The following C2CD3 variants were observed in gnomAD, a reference collection of about 807,000 sequenced individuals.
C2CD3 encodes the protein C2 domain containing 3 centriole elongation regulator.
In C2CD3, 148 loss-of-function variants were observed where a neutral mutation model predicts 234.0. The ratio of observed to expected loss-of-function variants is 0.63; its 90% CI spans 0.55 to 0.72. The LOEUF (loss-of-function observed/expected upper bound fraction) is 0.72. C2CD3 is among the 30% of genes least tolerant of loss of function. C2CD3 has a pLI of 0.00. For missense variants in C2CD3, 2,577 were observed against 2,811.5 expected, an observed-to-expected ratio of 0.92 and a Z score of 1.89; for synonymous variants, 1,000 against 1,035.4, an observed-to-expected ratio of 0.97 and a Z score of 0.66.
At chr11:74,017,344 C>T (rs921991566) in intron 32 of C2CD3, among the ~76,000 whole-genome samples, 10 of 152,190 alleles carry the variant, frequency 6.6e-5, no homozygotes, top group African/African-American at 2.2e-4. Context: ...GGCTTTCAGG[C>T]TGCCCCATTA....
chr11:74,063,091 A>T (rs1284476668), intron 24 of C2CD3, among the ~76,000 whole-genome samples: 2 of 152,240 alleles, frequency 1.3e-5, no homozygotes, highest in Non-Finnish European at 2.9e-5. Flanking sequence ...AAGAAGTTGA[A>T]TCCTTGAATA....
At chr11:74,108,882 AATAATG>A (rs1435569360) in intron 12 of C2CD3, 146 bp downstream of exon 12, 1 of 347,296 alleles carries the variant, frequency 2.9e-6, no homozygotes, top group Non-Finnish European at 5.2e-6. Context: ...TAGTAATAAT[AATAATG>A]ATAATAATAA....
intron 3 of C2CD3, among the ~76,000 whole-genome samples, chr11:74,154,016 GA>G (rs372731427): frequency 0.017 from 2,525 of 147,642 alleles, 72 homozygotes; most frequent in African/African-American, 0.059. Flanking sequence ...TACAATTATA[GA>G]AAAAAAAAAT....
At chr11:74,115,090 G>T (rs751225517) in intron 9 of C2CD3, among the ~76,000 whole-genome samples, 4 of 150,370 alleles carry the variant, frequency 2.7e-5, no homozygotes, top group Admixed American at 1.3e-4. Context: ...CTCAAAAAAT[G>T]TAAAAAAAAA....
In C2CD3 at chr11:74,057,511, G is replaced by C; in HGVS notation, c.4985C>G (p.Pro1662Arg). The change falls in exon 25 of 33, where the codon CCC becomes CGC. Residue 1662 changes from proline to arginine, a missense_variant. By Grantham distance (103) the Pro-to-Arg change is moderately radical. Coordinates refer to ENST00000334126, the MANE Select transcript of C2CD3 (RefSeq NM_001286577.2). ...SPLTERKVSI[P>R]SCCVSFATAD... The stretch of plus-strand genomic sequence containing the variant: ...TGTTGCAAAGGATACACAACAACTG[G>C]GTATCGATACTTTCCGCTCTGTCAA... 6.2e-7 allele frequency: 1 copy of C among 1,613,928 alleles called. No individual in the cohort carries two copies.
chr11:74,163,864 G>A (rs373494627), intron 2 of C2CD3, among the ~76,000 whole-genome samples: 2 of 152,282 alleles, frequency 1.3e-5, no homozygotes, highest in African/African-American at 4.8e-5. Context: ...TGAAGAATAA[G>A]GGAAATGGAC....
chr11:74,136,937 T>G (rs1034367218), intron 5 of C2CD3, among the ~76,000 whole-genome samples: 1 of 147,500 alleles, frequency 6.8e-6, no homozygotes, highest in African/African-American at 2.5e-5. Flanking sequence ...CCCCAGAACT[T>G]AAAAGTAAAT....
chr11:74,037,286 A>G (rs1164778108), intron 30 of C2CD3, among the ~76,000 whole-genome samples, 192 bp downstream of exon 30: 1 of 151,542 alleles, frequency 6.6e-6, no homozygotes, highest in Non-Finnish European at 1.5e-5. Flanking sequence ...CCATTGCCCC[A>G]TGTTGCTGTG....
At position 74,139,847 on chromosome 11, in the gene C2CD3, A is replaced by G. The variant is rs754552936; in HGVS notation, c.484-19T>C. 2.7e-6 allele frequency: 4 copies of G among 1,480,436 alleles called. No homozygotes were observed. Among genetic ancestry groups the G allele is most frequent in the South Asian group, 1.1e-5 (1 of 88,234 alleles). The allele number at this position is 1,480,436 out of a possible 1,614,324, so 91.7% of individuals were successfully genotyped here. The stretch of plus-strand genomic sequence containing the variant: ...GTGAGACCTAAGAGAGACAGGTAGT[A>G]TATGAGAAATTTTCTTTAGCATTGA... On this transcript the variant is annotated intron_variant, in intron 3 of 32. Coordinates refer to ENST00000334126, the MANE Select transcript of C2CD3 (RefSeq NM_001286577.2).
chr11:74,122,905 T>C (rs939507544), intron 8 of C2CD3, 83 bp downstream of exon 8: 7 of 642,942 alleles, frequency 1.1e-5, no homozygotes, highest in Non-Finnish European at 1.6e-5. Flanking sequence ...TTATGTAAAA[T>C]GCATAGCTGT....
At chr11:74,022,556 G>T (rs996999190) in intron 32 of C2CD3, among the ~76,000 whole-genome samples, 1 of 152,174 alleles carries the variant, frequency 6.6e-6, no homozygotes. Flanking sequence ...TCCCAAGAGT[G>T]AAAATCTACA....
intron 2 of C2CD3, among the ~76,000 whole-genome samples, chr11:74,165,828 A>T (rs1399674043): frequency 6.6e-6 from 1 of 152,008 alleles, no homozygotes; most frequent in Non-Finnish European, 1.5e-5. Context: ...CTAATTAAAA[A>T]AATTTTTTTT....
At chr11:74,078,036 T>A in intron 23 of C2CD3, 79 bp downstream of exon 23, 1 of 1,486,340 alleles carries the variant, frequency 6.7e-7, no homozygotes. Context: ...TAAAGTAATG[T>A]CTGACAGAGT....
chr11:74,057,283 G>T, intron 25 of C2CD3, 123 bp downstream of exon 25: 2 of 914,368 alleles, frequency 2.2e-6, no homozygotes, highest in Non-Finnish European at 3.4e-6. Context: ...ATAATTGCTT[G>T]GATAAGAAAA....
Position 74,037,622 on chromosome 11 carries a change from G to A in C2CD3, c.5737C>T (p.Pro1913Ser), listed in dbSNP as rs143485087. The change falls in exon 30 of 33, where the codon CCT becomes TCT. Residue 1913 changes from proline (P) to serine (S), a missense_variant. Pro to Ser is a moderately conservative substitution (Grantham distance 74). Transcript: ENST00000334126. ...TGTGAGATGGCCGTTTGAGTCTGAG[G>A]GCTGAGGGGTAGGAAAGGCTTGGTG... ...KLTKPFLPLS[P>S]QTQTAISQHQ... is the part of the protein sequence containing the mutation. The A allele has an allele frequency of 4.3e-6, 7 of 1,613,996 alleles. No individual in the cohort carries two copies. The African/African-American group carries it at 5.3e-5, about 12-fold the overall frequency.
intron 24 of C2CD3, among the ~76,000 whole-genome samples, chr11:74,059,410 CAAAAAAAAAA>C (rs57052333): frequency 3.3e-5 from 1 of 29,958 alleles, no homozygotes; most frequent in African/African-American, 1.4e-4. Flanking sequence ...GACTCTGTCT[CAAAAAAAAAA>C]AAAAAAAAAA....
At chr11:74,082,227 T>C (rs935099366) in intron 22 of C2CD3, among the ~76,000 whole-genome samples, 1 of 151,666 alleles carries the variant, frequency 6.6e-6, no homozygotes, top group African/African-American at 2.4e-5. Context: ...GCCATTCTCC[T>C]GCCTCAGCCC....
intron 24 of C2CD3, among the ~76,000 whole-genome samples, chr11:74,065,698 T>C (rs1337366909): frequency 6.6e-6 from 1 of 151,730 alleles, no homozygotes; most frequent in Non-Finnish European, 1.5e-5. Context: ...ATTAAGAAAA[T>C]GTGGCACATA....
intron 9 of C2CD3, among the ~76,000 whole-genome samples, chr11:74,117,913 CAA>C (rs1262165951): frequency 3.9e-4 from 26 of 65,906 alleles, no homozygotes; most frequent in Admixed American, 5.4e-4. Context: ...AACTCCGTCT[CAA>C]AAAAAAAAAA....
Sources: allele counts gnomAD v4.1 joint callset (sites outside exome capture counted in the v4.1 genomes callset), GRCh38; gene constraint gnomAD v4.1.1; transcripts MANE v1.5; gene names NCBI Gene and HGNC (gene_info 2026-07-23, HGNC 2026-07-21).